The following SLC44A5 variants were observed in gnomAD, a reference collection of about 807,000 sequenced individuals.
SLC44A5 encodes solute carrier family 44 member 5.
A neutral mutation model predicts 101.8 loss-of-function variants in SLC44A5; 57 were observed. That is an observed-to-expected ratio of 0.56 (90% confidence interval 0.45 to 0.70). SLC44A5 has a LOEUF of 0.70. Ranked by LOEUF, SLC44A5 falls within the 30% of genes least tolerant of loss-of-function variation. The pLI is 0.00. For missense variants in SLC44A5, 737 were observed against 853.1 expected, an observed-to-expected ratio of 0.86 and a Z score of 1.70; for synonymous variants, 281 against 290.9, an observed-to-expected ratio of 0.97 and a Z score of 0.35.
intron 6 of SLC44A5, among the ~76,000 whole-genome samples, chr1:75,264,891 A>G (rs1203297612): frequency 6.6e-6 from 1 of 152,154 alleles, no homozygotes; most frequent in Non-Finnish European, 1.5e-5. Flanking sequence ...CAAGAAAAAA[A>G]GAGAGAAGAC....
At chr1:75,422,153 C>G (rs1215136438) in intron 2 of SLC44A5, among the ~76,000 whole-genome samples, 1 of 151,984 alleles carries the variant, frequency 6.6e-6, no homozygotes, top group Non-Finnish European at 1.5e-5. Flanking sequence ...CATGAAATGC[C>G]CTTTGAAAAA....
intron 2 of SLC44A5, among the ~76,000 whole-genome samples, chr1:75,401,609 C>T (rs986906199): frequency 3.9e-5 from 6 of 151,906 alleles, no homozygotes; most frequent in Non-Finnish European, 8.8e-5. Flanking sequence ...GGACACTGGG[C>T]GAGGGGCTGG....
At chr1:75,281,188 T>C (rs909472825) in intron 5 of SLC44A5, among the ~76,000 whole-genome samples, 13 of 152,108 alleles carry the variant, frequency 8.5e-5, no homozygotes, top group African/African-American at 2.4e-5. Flanking sequence ...GATAGTGATA[T>C]GGACAATGAA....
At chr1:75,330,692 G>C (rs1001127831) in intron 4 of SLC44A5, among the ~76,000 whole-genome samples, 5 of 151,820 alleles carry the variant, frequency 3.3e-5, no homozygotes, top group African/African-American at 7.3e-5. Flanking sequence ...TCATCCTCCA[G>C]GAAAACTTAC....
chr1:75,504,972 G>C (rs969517686), intron 2 of SLC44A5, among the ~76,000 whole-genome samples: 6 of 152,084 alleles, frequency 3.9e-5, no homozygotes, highest in African/African-American at 1.4e-4. Context: ...ACCCAATAGA[G>C]TGGTTTTTCA....
At chr1:75,616,180 G>T in the SLC44A5 span, among the ~76,000 whole-genome samples, 1 of 151,766 alleles carries the variant, frequency 6.6e-6, no homozygotes, top group Non-Finnish European at 1.5e-5. Flanking sequence ...GCTGGAGGGG[G>T]CAGCGCTGGG....
At chr1:75,613,680 T>C (rs1235646395), upstream of SLC44A5, among the ~76,000 whole-genome samples, 1 of 152,244 alleles carries the variant, frequency 6.6e-6, no homozygotes, top group Non-Finnish European at 1.5e-5. Flanking sequence ...ATAAAATTTA[T>C]TGAGACCACA....
At chr1:75,267,091 T>C (rs1398823145) in intron 6 of SLC44A5, among the ~76,000 whole-genome samples, 1 of 152,198 alleles carries the variant, frequency 6.6e-6, no homozygotes, top group Non-Finnish European at 1.5e-5. Context: ...ATCTGTGCCT[T>C]ATTTGCTCTA....
At chr1:75,578,507 C>T (rs2224101) in intron 1 of SLC44A5, among the ~76,000 whole-genome samples, 45,403 of 152,012 alleles carry the variant, frequency 0.3, 8,301 homozygotes, top group Non-Finnish European at 0.42. Context: ...AACTGAAGTG[C>T]AGTGTGCTAA....
chr1:75,451,655 G>T (rs1035560550), intron 2 of SLC44A5, among the ~76,000 whole-genome samples: 3 of 152,054 alleles, frequency 2.0e-5, no homozygotes, highest in African/African-American at 7.2e-5. Flanking sequence ...TTAAAAGATT[G>T]CATTCTGTCT....
chr1:75,337,530 T>A (rs1405972839), intron 4 of SLC44A5, among the ~76,000 whole-genome samples: 2 of 152,240 alleles, frequency 1.3e-5, no homozygotes, highest in African/African-American at 4.8e-5. Context: ...ATGCTGAATA[T>A]CTTTTTCACT....
chr1:75,444,325 A>G lies in SLC44A5; in HGVS notation c.14-47704T>C, dbSNP rs548224320. Among the ~76,000 whole-genome samples the G allele has an allele frequency of 2.6e-4, 38 of 144,352 alleles. No homozygotes were observed. In the South Asian group the frequency reaches 4.8e-3, roughly 18 times the overall value. The allele number at this position is 144,352 out of a possible 152,430, so 94.7% of individuals were successfully genotyped here. A position where few individuals can be genotyped will look rare whatever the true frequency, so the allele number is the denominator to read the frequency against. On this transcript the variant is annotated intron_variant, in intron 2 of 23. Coordinates refer to ENST00000370859, the MANE Select transcript of SLC44A5 (RefSeq NM_001130058.2). Reference sequence around the variant, plus strand: ...AAACAAAACTCTGTCAAAAAAAAAAAAAAGAAAGAAAGAAGGAGGGAAGGA... The same window carrying G: ...AAACAAAACTCTGTCAAAAAAAAAAGAAAGAAAGAAAGAAGGAGGGAAGGA...
chr1:75,722,108 A>T, the SLC44A5 span, among the ~76,000 whole-genome samples: 1 of 152,324 alleles, frequency 6.6e-6, no homozygotes, highest in Admixed American at 6.5e-5. Context: ...ATCTGAGAAA[A>T]ATAAAACCAA....
At chr1:75,350,583 A>G (rs1402526086) in intron 3 of SLC44A5, among the ~76,000 whole-genome samples, 1 of 151,278 alleles carries the variant, frequency 6.6e-6, no homozygotes, top group Non-Finnish European at 1.5e-5. Flanking sequence ...ATGTATATAC[A>G]AAAAACAAGG....
chr1:75,202,202 A>T lies in SLC44A5; in HGVS notation c.*1525T>A, dbSNP rs1269048053. On this transcript the variant is annotated 3_prime_UTR_variant, in exon 24 of 24. Coordinates refer to ENST00000370859, the MANE Select transcript of SLC44A5 (RefSeq NM_001130058.2). ...TAACAACAAATTTCATTAAATATTA[A>T]ACATTTTAATTATCAAAGATATTTA... 1 of 152,200 alleles carries T rather than the reference A, an allele frequency of 6.6e-6. No individual in the cohort carries two copies. Among genetic ancestry groups the T allele is most frequent in the Non-Finnish European group, 1.5e-5 (1 of 68,020 alleles). 9.4% of individuals were successfully genotyped at this position (152,200 alleles called of 1,614,324 possible). A position where few individuals can be genotyped will look rare whatever the true frequency, so the allele number is the denominator to read the frequency against.
chr1:75,484,577 A>C (rs1668053357), intron 2 of SLC44A5, among the ~76,000 whole-genome samples: 1 of 152,190 alleles, frequency 6.6e-6, no homozygotes. Context: ...TGCACAGTGC[A>C]AGCCGTTGGT....
intron 5 of SLC44A5, among the ~76,000 whole-genome samples, chr1:75,278,533 C>G (rs1042802866): frequency 1.3e-5 from 2 of 152,042 alleles, no homozygotes; most frequent in African/African-American, 4.8e-5. Context: ...ATATCTCAGC[C>G]AAACTCATAA....
chr1:75,301,303 G>T (rs1030277305), intron 4 of SLC44A5, among the ~76,000 whole-genome samples: 3 of 152,164 alleles, frequency 2.0e-5, no homozygotes, highest in African/African-American at 7.2e-5. Context: ...GAGAGTCAGT[G>T]ATTTGCTAAA....
intron 1 of SLC44A5, among the ~76,000 whole-genome samples, chr1:75,545,894 A>G (rs1261161786): frequency 6.7e-6 from 1 of 149,876 alleles, no homozygotes; most frequent in Non-Finnish European, 1.5e-5. Flanking sequence ...CAGCACAAGC[A>G]TGGCTCACTG....
Sources: gnomAD v4.1 joint callset for allele counts (sites outside exome capture counted in the v4.1 genomes callset) on GRCh38, gnomAD v4.1.1 for gene constraint, MANE v1.5 for transcripts, NCBI Gene and HGNC (gene_info 2026-07-23, HGNC 2026-07-21) for gene names.